PLCXD3: variants seen among roughly 807,000 people sequenced by gnomAD.
PLCXD3 encodes the protein phosphatidylinositol specific phospholipase C X domain containing 3, also known as PI-PLC X domain-containing protein 3.
PLCXD3 carries 19 observed loss-of-function variants against 25.5 expected under a neutral mutation model. The ratio of observed to expected loss-of-function variants is 0.75; its 90% CI spans 0.52 to 1.09. The LOEUF is 1.09. PLCXD3 is among the 50% of genes least tolerant of loss of function. The probability of loss-of-function intolerance (pLI) is 0.00; values close to 1 mark genes in which losing one functional copy is unlikely to be tolerated. For synonymous variants in PLCXD3, 174 were observed against 137.6 expected, an observed-to-expected ratio of 1.26 and a Z score of -1.85; for missense variants, 411 against 388.1, an observed-to-expected ratio of 1.06 and a Z score of -0.50.
chr5:41,400,433 A>T (rs1314690132), intron 1 of PLCXD3, among the ~76,000 whole-genome samples: 3 of 152,162 alleles, frequency 2.0e-5, no homozygotes, highest in African/African-American at 7.2e-5. Context: ...TTTGGAAGCA[A>T]CCTATGTGTC....
At chr5:41,400,552 T>C (rs1580352007) in intron 1 of PLCXD3, among the ~76,000 whole-genome samples, 1 of 152,190 alleles carries the variant, frequency 6.6e-6, no homozygotes, top group Non-Finnish European at 1.5e-5. Flanking sequence ...TAGATTAAAT[T>C]GGAGATTATT....
At chr5:41,508,800 A>G (rs1172976902) in intron 1 of PLCXD3, among the ~76,000 whole-genome samples, 1 of 152,242 alleles carries the variant, frequency 6.6e-6, no homozygotes, top group Non-Finnish European at 1.5e-5. Context: ...AATAAAAATG[A>G]AGGAAGAAAA....
At chr5:41,465,628 G>C (rs1403420889) in intron 1 of PLCXD3, among the ~76,000 whole-genome samples, 1 of 151,800 alleles carries the variant, frequency 6.6e-6, no homozygotes, top group Non-Finnish European at 1.5e-5. Context: ...AGGTTGAGTA[G>C]TGAAGTGACT....
chr5:41,341,601 T>C (rs1167202616), intron 2 of PLCXD3, among the ~76,000 whole-genome samples: 3 of 152,190 alleles, frequency 2.0e-5, no homozygotes, highest in Non-Finnish European at 4.4e-5. Flanking sequence ...GGGTTACCAT[T>C]GGGTTTATAA....
intron 1 of PLCXD3, among the ~76,000 whole-genome samples, chr5:41,473,692 G>T (rs969272593): frequency 6.6e-6 from 1 of 152,100 alleles, no homozygotes; most frequent in South Asian, 2.1e-4. Flanking sequence ...TCCTGACCTC[G>T]TGATCTGCTG....
chr5:41,331,809 C>T (rs1377502098), intron 2 of PLCXD3, among the ~76,000 whole-genome samples: 3 of 152,096 alleles, frequency 2.0e-5, no homozygotes, highest in Admixed American at 6.6e-5. Context: ...ACTATCTGAT[C>T]TTTGACAAAC....
At chr5:41,400,807 A>G (rs919309128) in intron 1 of PLCXD3, among the ~76,000 whole-genome samples, 5 of 152,074 alleles carry the variant, frequency 3.3e-5, no homozygotes, top group Non-Finnish European at 7.4e-5. Flanking sequence ...TAGTCAAATA[A>G]TAACTTAATG....
intron 2 of PLCXD3, among the ~76,000 whole-genome samples, chr5:41,373,394 A>G (rs113996781): frequency 6.6e-6 from 1 of 152,286 alleles, no homozygotes; most frequent in African/African-American, 2.4e-5. Context: ...GACTTATGAA[A>G]TGTGCATGTT....
At chr5:41,420,621 C>T (rs550826298) in intron 1 of PLCXD3, among the ~76,000 whole-genome samples, 1 of 152,322 alleles carries the variant, frequency 6.6e-6, no homozygotes, top group East Asian at 1.9e-4. Context: ...CCAAATCTGC[C>T]ATGCTTAGCA....
intron 1 of PLCXD3, among the ~76,000 whole-genome samples, chr5:41,421,763 GAAAGCTTA>G (rs137903422): frequency 0.12 from 17,589 of 152,052 alleles, 1,115 homozygotes; most frequent in African/African-American, 0.13. Context: ...TAGATGAATG[GAAAGCTTA>G]AATATACGCA....
At chr5:41,321,816 C>T (rs10075307) in intron 2 of PLCXD3, among the ~76,000 whole-genome samples, 2 of 152,206 alleles carry the variant, frequency 1.3e-5, no homozygotes, top group African/African-American at 2.4e-5. Flanking sequence ...CAAACACACA[C>T]TGGGGAAAAG....
intron 1 of PLCXD3, among the ~76,000 whole-genome samples, chr5:41,506,365 A>C (rs1749051226): frequency 6.6e-6 from 1 of 152,238 alleles, no homozygotes; most frequent in Non-Finnish European, 1.5e-5. Context: ...TGTTCGCAAA[A>C]CCAAAAACAA....
intron 2 of PLCXD3, among the ~76,000 whole-genome samples, chr5:41,322,477 A>G (rs1200466336): frequency 6.6e-6 from 1 of 152,232 alleles, no homozygotes; most frequent in Non-Finnish European, 1.5e-5. Flanking sequence ...CATTAGTACA[A>G]CCACTATGGA....
chr5:41,459,573 T>A (rs1747829044), intron 1 of PLCXD3, among the ~76,000 whole-genome samples: 1 of 151,860 alleles, frequency 6.6e-6, no homozygotes, highest in African/African-American at 2.4e-5. Context: ...ACCAAATTAA[T>A]ATTCCTAAAA....
chr5:41,375,514 T>C (rs1745267065), intron 2 of PLCXD3, among the ~76,000 whole-genome samples: 1 of 152,124 alleles, frequency 6.6e-6, no homozygotes, highest in Admixed American at 6.6e-5. Context: ...CTCAACTTCC[T>C]TATTTAATAA....
intron 1 of PLCXD3, among the ~76,000 whole-genome samples, chr5:41,461,272 AT>A (rs1747867852): frequency 6.6e-6 from 1 of 151,974 alleles, no homozygotes; most frequent in South Asian, 2.1e-4. Context: ...GTTTAAAAAA[AT>A]TTCTACAGGA....
chr5:41,367,914 C>T (rs1240854009), intron 2 of PLCXD3, among the ~76,000 whole-genome samples: 6 of 152,042 alleles, frequency 3.9e-5, no homozygotes, highest in African/African-American at 1.4e-4. Context: ...TCTCATTGCT[C>T]ATTTTTGTCA....
At chr5:41,314,025 A>T (rs895412935) in intron 2 of PLCXD3, among the ~76,000 whole-genome samples, 1 of 152,204 alleles carries the variant, frequency 6.6e-6, no homozygotes, top group African/African-American at 2.4e-5. Context: ...ATAGTTTATA[A>T]TGATGCTTCC....
intron 1 of PLCXD3, among the ~76,000 whole-genome samples, chr5:41,509,816 G>T (rs993968639): frequency 2.6e-5 from 4 of 152,218 alleles, no homozygotes; most frequent in African/African-American, 9.6e-5. Context: ...GATACGAAAT[G>T]GTGCCCTCTG....
Sources: gnomAD v4.1 joint callset for allele counts (sites outside exome capture counted in the v4.1 genomes callset) on GRCh38, gnomAD v4.1.1 for gene constraint, MANE v1.5 for transcripts, NCBI Gene and HGNC (gene_info 2026-07-23, HGNC 2026-07-21) for gene names.